The following STOX2 variants were observed in gnomAD, a reference collection of about 807,000 sequenced individuals.
STOX2 encodes the protein storkhead box 2, also known as storkhead-box protein 2.
A neutral mutation model predicts 60.9 loss-of-function variants in STOX2; 28 were observed. The observed-to-expected ratio is 0.46, with a 90% CI of 0.34 to 0.63. STOX2 has a LOEUF of 0.63. STOX2 is among the 30% of genes least tolerant of loss of function. The pLI is 0.01. For missense variants in STOX2, 1,024 were observed against 1,187.7 expected, an observed-to-expected ratio of 0.86 and a Z score of 2.03; for synonymous variants, 472 against 463.9, an observed-to-expected ratio of 1.02 and a Z score of -0.22.
At chr4:183,818,174 G>A (rs1275795274) in intron 1 of STOX2, among the ~76,000 whole-genome samples, 1 of 151,670 alleles carries the variant, frequency 6.6e-6, no homozygotes, top group Non-Finnish European at 1.5e-5. Context: ...TAGGACAACA[G>A]TGGAGGGAAG....
At chr4:183,977,322 C>A (rs1732485131) in intron 1 of STOX2, among the ~76,000 whole-genome samples, 1 of 152,032 alleles carries the variant, frequency 6.6e-6, no homozygotes. Flanking sequence ...TAAAATGTAT[C>A]CACGGGATTA....
chr4:183,918,048 C>T (rs1741981409), intron 1 of STOX2, among the ~76,000 whole-genome samples: 2 of 152,198 alleles, frequency 1.3e-5, no homozygotes, highest in Non-Finnish European at 2.9e-5. Context: ...TCTTTTGGAA[C>T]AGAACTATAC....
Position 184,017,441 on chromosome 4 carries a change from A to C in STOX2, c.*157A>C. 1 of 648,928 alleles carries C rather than the reference A, an allele frequency of 1.5e-6. No individual in the cohort carries two copies. Among genetic ancestry groups the C allele is most frequent in the South Asian group, 2.3e-5 (1 of 44,158 alleles). The allele number at this position is 648,928 out of a possible 1,614,324, so 40.2% of individuals were successfully genotyped here. A position where few individuals can be genotyped will look rare whatever the true frequency, so the allele number is the denominator to read the frequency against. The stretch of plus-strand genomic sequence containing the variant: ...AGTAGGGCTAGGGCAAAAAAACAAA[A>C]AATCTTTATTTCAGAGTATTGCTTT... On this transcript the variant is annotated 3_prime_UTR_variant, in exon 4 of 4. Coordinates refer to ENST00000308497, the MANE Select transcript of STOX2 (RefSeq NM_020225.3).
chr4:183,970,183 G>GTGT (rs1560911423), intron 1 of STOX2, among the ~76,000 whole-genome samples: 1,970 of 58,918 alleles, frequency 0.033, 74 homozygotes, highest in African/African-American at 0.081. Flanking sequence ...TGTGTGTGTG[G>GTGT]GGTTCCAGCT....
chr4:183,813,883 A>T (rs1356734079), intron 1 of STOX2, among the ~76,000 whole-genome samples: 1 of 152,212 alleles, frequency 6.6e-6, no homozygotes, highest in Non-Finnish European at 1.5e-5. Flanking sequence ...TATAAGTTGA[A>T]AAAACTCTTC....
intron 1 of STOX2, among the ~76,000 whole-genome samples, chr4:183,864,201 A>T (rs1740514146): frequency 6.6e-6 from 1 of 152,166 alleles, no homozygotes; most frequent in Non-Finnish European, 1.5e-5. Context: ...TTACTATCCT[A>T]ACATGCACTG....
chr4:183,862,790 G>A (rs1226347588), intron 1 of STOX2, among the ~76,000 whole-genome samples: 4 of 152,308 alleles, frequency 2.6e-5, no homozygotes, highest in East Asian at 3.9e-4. Flanking sequence ...GAGGGATCGC[G>A]CCCCACCACC....
At chr4:183,974,164 CTG>C (rs764734344) in intron 1 of STOX2, among the ~76,000 whole-genome samples, 12 of 151,998 alleles carry the variant, frequency 7.9e-5, no homozygotes, top group Non-Finnish European at 1.6e-4. Context: ...TCTAAGTAGA[CTG>C]TGAAAAGTTA....
chr4:183,899,950 T>G (rs1349204698), intron 1 of STOX2, among the ~76,000 whole-genome samples: 2 of 152,222 alleles, frequency 1.3e-5, no homozygotes, highest in Admixed American at 6.5e-5. Flanking sequence ...TACTAGGGGC[T>G]AATGGAGCTG....
At chr4:183,960,537 C>T (rs752518286) in intron 1 of STOX2, among the ~76,000 whole-genome samples, 46 of 152,168 alleles carry the variant, frequency 3.0e-4, no homozygotes, top group Admixed American at 2.1e-3. Flanking sequence ...TCATTCTGCT[C>T]AGAGTCAACA....
chr4:183,955,492 C>T (rs1743220240), intron 1 of STOX2, among the ~76,000 whole-genome samples: 1 of 152,178 alleles, frequency 6.6e-6, no homozygotes, highest in Admixed American at 6.5e-5. Flanking sequence ...CCTCCCTGTT[C>T]TTGGAGACTT....
chr4:183,843,738 TC>T (rs1739922366), intron 1 of STOX2, among the ~76,000 whole-genome samples: 2 of 152,234 alleles, frequency 1.3e-5, no homozygotes, highest in Admixed American at 1.3e-4. Context: ...CGGCTCTTTT[TC>T]TTCTTTGAGT....
At chr4:183,942,194 C>T (rs74984292) in intron 1 of STOX2, among the ~76,000 whole-genome samples, 2,119 of 152,310 alleles carry the variant, frequency 0.014, 59 homozygotes, top group African/African-American at 0.048. Flanking sequence ...GCAGACATTT[C>T]AGCAGAGGTA....
At chr4:183,810,621 A>T (rs910430306) in intron 1 of STOX2, among the ~76,000 whole-genome samples, 3 of 152,180 alleles carry the variant, frequency 2.0e-5, no homozygotes, top group Non-Finnish European at 2.9e-5. Flanking sequence ...GAACTGTAAG[A>T]GGTGATTAGG....
chr4:183,800,328 C>T (rs1026496966), intron 1 of STOX2, among the ~76,000 whole-genome samples: 4 of 151,858 alleles, frequency 2.6e-5, no homozygotes, highest in South Asian at 2.1e-4. Flanking sequence ...GGGGCCGGGG[C>T]GGTGATATGG....
At chr4:183,882,805 A>G (rs1301025338) in intron 1 of STOX2, among the ~76,000 whole-genome samples, 2 of 152,244 alleles carry the variant, frequency 1.3e-5, no homozygotes, top group East Asian at 3.8e-4. Flanking sequence ...GACAGGCTTA[A>G]GGTCACAAAG....
chr4:183,946,409 AG>A (rs1197955066), intron 1 of STOX2, among the ~76,000 whole-genome samples: 1 of 151,978 alleles, frequency 6.6e-6, no homozygotes, highest in South Asian at 2.1e-4. Flanking sequence ...GTCCATGAGG[AG>A]GGGGGGTTGG....
chr4:183,913,761 A>G (rs1361113631), intron 1 of STOX2, among the ~76,000 whole-genome samples: 3 of 151,966 alleles, frequency 2.0e-5, no homozygotes. Context: ...ACAGAGCCAG[A>G]CTTTGTCTGG....
intron 1 of STOX2, among the ~76,000 whole-genome samples, chr4:183,860,750 A>G (rs1740420064): frequency 6.6e-6 from 1 of 152,310 alleles, no homozygotes; most frequent in African/African-American, 2.4e-5. Context: ...TGTGGCTGTC[A>G]TCAAAGTTCT....
Sources: gnomAD v4.1 joint callset for allele counts (sites outside exome capture counted in the v4.1 genomes callset) on GRCh38, gnomAD v4.1.1 for gene constraint, MANE v1.5 for transcripts, NCBI Gene and HGNC (gene_info 2026-07-23, HGNC 2026-07-21) for gene names.